The following RNLS variants were observed in gnomAD, a reference collection of about 807,000 sequenced individuals.
RNLS encodes the protein renalase, FAD dependent amine oxidase, also known as renalase.
RNLS carries 39 observed loss-of-function variants against 39.8 expected under a neutral mutation model. The observed-to-expected ratio is 0.98, with a 90% CI of 0.76 to 1.28. RNLS has a LOEUF of 1.28. RNLS is among the 50% of genes most tolerant of loss of function. RNLS has a pLI of 0.00. For missense variants in RNLS, 410 were observed against 413.3 expected, an observed-to-expected ratio of 0.99 and a Z score of 0.07; for synonymous variants, 147 against 150.7, an observed-to-expected ratio of 0.98 and a Z score of 0.18.
intron 5 of RNLS, among the ~76,000 whole-genome samples, chr10:88,356,997 G>T (rs1284910218): frequency 6.6e-6 from 1 of 152,120 alleles, no homozygotes; most frequent in Non-Finnish European, 1.5e-5. Context: ...TATTTAAGTT[G>T]CCCTAACTCC....
chr10:88,435,146 C>T (rs1287526934), intron 4 of RNLS, among the ~76,000 whole-genome samples: 1 of 151,818 alleles, frequency 6.6e-6, no homozygotes, highest in Non-Finnish European at 1.5e-5. Flanking sequence ...TTCTGATCAG[C>T]TGTCTTGTTA....
intron 4 of RNLS, among the ~76,000 whole-genome samples, chr10:88,431,517 T>G (rs1035142809): frequency 6.6e-6 from 1 of 151,740 alleles, no homozygotes; most frequent in African/African-American, 2.4e-5. Context: ...CCTCTAATTT[T>G]GGGCTTTCTT....
At chr10:88,536,990 A>C (rs183571464) in intron 4 of RNLS, among the ~76,000 whole-genome samples, 21 of 152,332 alleles carry the variant, frequency 1.4e-4, no homozygotes, top group Non-Finnish European at 1.5e-4. Context: ...TAAATGAATG[A>C]ATGAGCGAGT....
At chr10:88,302,461 T>C (rs1844600132) in intron 6 of RNLS, among the ~76,000 whole-genome samples, 1 of 152,240 alleles carries the variant, frequency 6.6e-6, no homozygotes, top group Non-Finnish European at 1.5e-5. Context: ...AGATTCAAAA[T>C]TGCTATTAAA....
the RNLS span, among the ~76,000 whole-genome samples, chr10:88,217,899 T>G: frequency 2.9e-3 from 439 of 151,962 alleles, 17 homozygotes; most frequent in East Asian, 0.073. Flanking sequence ...AATTAGCTGG[T>G]CATGGTGGCA....
chr10:88,434,461 C>T (rs1221998138), intron 4 of RNLS, among the ~76,000 whole-genome samples: 1 of 152,040 alleles, frequency 6.6e-6, no homozygotes. Context: ...ACCCAGAGTT[C>T]TTATTATGTG....
At chr10:88,555,780 T>G (rs1234908830) in intron 4 of RNLS, among the ~76,000 whole-genome samples, 1 of 152,140 alleles carries the variant, frequency 6.6e-6, no homozygotes, top group Non-Finnish European at 1.5e-5. Flanking sequence ...AACACTTTCT[T>G]GGCCTATGGG....
the RNLS span, among the ~76,000 whole-genome samples, chr10:88,173,735 A>C: frequency 6.6e-6 from 1 of 152,188 alleles, no homozygotes; most frequent in Non-Finnish European, 1.5e-5. Context: ...AAAACTAATT[A>C]TTCTTGCTGC....
the RNLS span, among the ~76,000 whole-genome samples, chr10:88,232,408 T>C: frequency 9.8e-5 from 15 of 152,336 alleles, no homozygotes; most frequent in South Asian, 2.1e-4. Flanking sequence ...AGGAGTTCTC[T>C]TTTTCTCTCT....
intron 4 of RNLS, among the ~76,000 whole-genome samples, chr10:88,378,884 C>A (rs1254281911): frequency 1.3e-5 from 2 of 152,132 alleles, no homozygotes; most frequent in Non-Finnish European, 2.9e-5. Context: ...TTCCATCAAA[C>A]CTTCAGAGGG....
chr10:88,336,954 G>A (rs1289218074), intron 5 of RNLS, among the ~76,000 whole-genome samples: 1 of 152,094 alleles, frequency 6.6e-6, no homozygotes, highest in African/African-American at 2.4e-5. Context: ...GGAAATGGCT[G>A]ACTTAGGGGT....
chr10:88,252,694 G>C, the RNLS span, among the ~76,000 whole-genome samples: 3 of 152,132 alleles, frequency 2.0e-5, no homozygotes, highest in African/African-American at 7.2e-5. Context: ...AGCCAGCACT[G>C]TCATTTCCCT....
intron 4 of RNLS, among the ~76,000 whole-genome samples, chr10:88,376,647 T>C (rs1851024438): frequency 6.6e-6 from 1 of 152,148 alleles, no homozygotes; most frequent in South Asian, 2.1e-4. Flanking sequence ...CAGCTTTATT[T>C]CTATGGTGGC....
At chr10:88,261,013 T>C in the RNLS span, among the ~76,000 whole-genome samples, 1 of 152,224 alleles carries the variant, frequency 6.6e-6, no homozygotes, top group Non-Finnish European at 1.5e-5. Flanking sequence ...GGGATGGAGA[T>C]ATTAACAGAC....
chr10:88,446,297 T>C (rs1057070176), intron 4 of RNLS, among the ~76,000 whole-genome samples: 3 of 152,128 alleles, frequency 2.0e-5, no homozygotes, highest in Admixed American at 1.3e-4. Flanking sequence ...CCAGAATCTC[T>C]GGGACACATT....
chr10:88,370,904 G>C (rs1472764271), intron 4 of RNLS, among the ~76,000 whole-genome samples: 1 of 152,160 alleles, frequency 6.6e-6, no homozygotes, highest in Non-Finnish European at 1.5e-5. Context: ...TATAGGTATA[G>C]AAGTCATTAG....
chr10:88,288,389 GAAGTA>G (rs1248710059), intron 6 of RNLS, among the ~76,000 whole-genome samples: 4 of 152,062 alleles, frequency 2.6e-5, no homozygotes, highest in East Asian at 1.9e-4. Context: ...AAGACTCGAT[GAAGTA>G]AAACAAAACA....
chr10:88,290,395 TA>T (rs1564665101), intron 6 of RNLS, among the ~76,000 whole-genome samples: 1 of 152,208 alleles, frequency 6.6e-6, no homozygotes, highest in African/African-American at 2.4e-5. Context: ...ATTCTAATTC[TA>T]GATATGAAAC....
chr10:88,199,637 C>T, the RNLS span, among the ~76,000 whole-genome samples: 1 of 152,182 alleles, frequency 6.6e-6, no homozygotes, highest in Admixed American at 6.5e-5. Context: ...AAGACACACT[C>T]ACTGCAGAGA....
Sources: allele counts gnomAD v4.1 joint callset (sites outside exome capture counted in the v4.1 genomes callset), GRCh38; gene constraint gnomAD v4.1.1; transcripts MANE v1.5; gene names NCBI Gene and HGNC (gene_info 2026-07-23, HGNC 2026-07-21).